Variants in CDH12 observed in about 807,000 individuals in gnomAD.
CDH12 encodes cadherin-12.
Under a neutral mutation model 74.1 loss-of-function variants are expected in CDH12, and 41 were observed. The ratio of observed to expected loss-of-function variants is 0.55; its 90% CI spans 0.43 to 0.72. The LOEUF is 0.72. Ranked by LOEUF, CDH12 falls within the 30% of genes least tolerant of loss-of-function variation. CDH12 has a pLI of 0.00. For synonymous variants in CDH12, 399 were observed against 355.0 expected, an observed-to-expected ratio of 1.12 and a Z score of -1.39; for missense variants, 945 against 977.2, an observed-to-expected ratio of 0.97 and a Z score of 0.44.
chr5:22,621,038 G>A (rs1169144678), intron 1 of CDH12, among the ~76,000 whole-genome samples: 1 of 152,200 alleles, frequency 6.6e-6, no homozygotes, highest in South Asian at 2.1e-4. Flanking sequence ...AAGTATTTGC[G>A]GACTTGCATT....
intron 6 of CDH12, among the ~76,000 whole-genome samples, chr5:21,954,748 C>T (rs1425085942): frequency 6.6e-6 from 1 of 152,012 alleles, no homozygotes; most frequent in Non-Finnish European, 1.5e-5. Context: ...GGAGGAACAA[C>T]TGATGTACCT....
At chr5:22,243,329 T>C (rs1482899489) in intron 3 of CDH12, among the ~76,000 whole-genome samples, 2 of 152,166 alleles carry the variant, frequency 1.3e-5, no homozygotes, top group African/African-American at 4.8e-5. Context: ...GTTACCCACA[T>C]TTGCTAACCT....
At chr5:22,807,003 T>C (rs1748851572) in intron 1 of CDH12, among the ~76,000 whole-genome samples, 1 of 152,192 alleles carries the variant, frequency 6.6e-6, no homozygotes, top group South Asian at 2.1e-4. Context: ...AATTTTGGCT[T>C]TTGTTGTCAT....
At chr5:22,168,579 C>T (rs1048467285) in intron 4 of CDH12, among the ~76,000 whole-genome samples, 1 of 151,968 alleles carries the variant, frequency 6.6e-6, no homozygotes, top group African/African-American at 2.4e-5. Context: ...CTCTCATTTC[C>T]TTCTCATTGT....
At chr5:22,310,944 C>A (rs1738362690) in intron 3 of CDH12, among the ~76,000 whole-genome samples, 1 of 152,150 alleles carries the variant, frequency 6.6e-6, no homozygotes, top group Non-Finnish European at 1.5e-5. Flanking sequence ...GCAACTCAGG[C>A]AGTATTCTGG....
intron 4 of CDH12, among the ~76,000 whole-genome samples, chr5:22,092,635 C>T (rs948223727): frequency 6.6e-6 from 1 of 152,100 alleles, no homozygotes; most frequent in African/African-American, 2.4e-5. Flanking sequence ...CACCCGCACA[C>T]ATGGCTGCTA....
At chr5:22,472,723 T>C (rs1250709627) in intron 2 of CDH12, among the ~76,000 whole-genome samples, 2 of 152,122 alleles carry the variant, frequency 1.3e-5, no homozygotes, top group African/African-American at 2.4e-5. Context: ...CTCTTCAAAA[T>C]AGACCCAAAA....
chr5:21,904,213 A>G (rs1303512339), intron 6 of CDH12, among the ~76,000 whole-genome samples: 1 of 152,196 alleles, frequency 6.6e-6, no homozygotes, highest in Non-Finnish European at 1.5e-5. Flanking sequence ...TTTTCATTGT[A>G]TAACACAGGA....
At chr5:21,971,097 T>C (rs1484790643) in intron 6 of CDH12, among the ~76,000 whole-genome samples, 2 of 151,908 alleles carry the variant, frequency 1.3e-5, no homozygotes, top group Admixed American at 1.3e-4. Context: ...TTTTAAGATA[T>C]TGAATGAAAG....
At chr5:22,266,217 A>T (rs1276974192) in intron 3 of CDH12, among the ~76,000 whole-genome samples, 1 of 152,012 alleles carries the variant, frequency 6.6e-6, no homozygotes, top group Non-Finnish European at 1.5e-5. Context: ...CTGGGACAAC[A>T]GGCACTCACC....
chr5:22,824,597 A>C (rs1198677411), intron 1 of CDH12, among the ~76,000 whole-genome samples: 5 of 152,128 alleles, frequency 3.3e-5, no homozygotes, highest in African/African-American at 1.2e-4. Context: ...TAAATTACCA[A>C]CATAAGCATT....
At chr5:22,269,417 G>A (rs2150399156) in intron 3 of CDH12, among the ~76,000 whole-genome samples, 1 of 152,064 alleles carries the variant, frequency 6.6e-6, no homozygotes, top group African/African-American at 2.4e-5. Flanking sequence ...TTTTATTCAT[G>A]TGTTGTATAA....
intron 9 of CDH12, among the ~76,000 whole-genome samples, chr5:21,806,344 C>T (rs370968602): frequency 6.6e-6 from 1 of 152,054 alleles, no homozygotes; most frequent in Non-Finnish European, 1.5e-5. Context: ...GACCTAGGAG[C>T]CAATGAGAGC....
At chr5:22,428,993 G>T (rs1462808701) in intron 2 of CDH12, among the ~76,000 whole-genome samples, 1 of 151,974 alleles carries the variant, frequency 6.6e-6, no homozygotes, top group African/African-American at 2.4e-5. Context: ...AGAAGAAATT[G>T]TCCTCTCACT....
intron 5 of CDH12, among the ~76,000 whole-genome samples, chr5:21,982,738 T>C (rs1757362465): frequency 6.6e-6 from 1 of 152,080 alleles, no homozygotes; most frequent in Non-Finnish European, 1.5e-5. Context: ...TATCAGTTGA[T>C]GCTAAAACAT....
chr5:22,500,053 G>T (rs1404782064), intron 2 of CDH12, among the ~76,000 whole-genome samples: 1 of 151,960 alleles, frequency 6.6e-6, no homozygotes, highest in Non-Finnish European at 1.5e-5. Flanking sequence ...CACTGTCTTG[G>T]CATTCTTATA....
rs2150384984 is a variant in CDH12 at position 22,247,350 on chromosome 5, A to T, written c.-332-34707T>A. Among the ~76,000 whole-genome samples the T allele has an allele frequency of 2.0e-5, 3 of 152,280 alleles. No individual in the cohort carries two copies. The South Asian group carries it at 6.2e-4, about 32-fold the overall frequency. On this transcript the variant is annotated intron_variant, in intron 3 of 14. Transcript: ENST00000382254. ...GCTTCATCATGCTTCACGTCAGACT[A>T]CACTGAGCTACCACATTTACATGGG...
chr5:22,133,936 T>C (rs1746318734), intron 4 of CDH12, among the ~76,000 whole-genome samples: 2 of 152,084 alleles, frequency 1.3e-5, no homozygotes, highest in Admixed American at 1.3e-4. Flanking sequence ...TGAAATGGGA[T>C]AATGGTGGAA....
chr5:22,595,231 T>C (rs972027006), intron 1 of CDH12, among the ~76,000 whole-genome samples: 1 of 152,308 alleles, frequency 6.6e-6, no homozygotes, highest in East Asian at 1.9e-4. Context: ...GATCAATTAA[T>C]GCAAGATGTA....
Sources: gnomAD v4.1 joint callset for allele counts (sites outside exome capture counted in the v4.1 genomes callset) on GRCh38, gnomAD v4.1.1 for gene constraint, MANE v1.5 for transcripts, NCBI Gene and HGNC (gene_info 2026-07-23, HGNC 2026-07-21) for gene names.